TMEM117: variants seen among roughly 807,000 people sequenced by gnomAD.
TMEM117 encodes the protein transmembrane protein 117.
A neutral mutation model predicts 52.4 loss-of-function variants in TMEM117; 27 were observed. The observed-to-expected ratio is 0.51, with a 90% CI of 0.38 to 0.71. TMEM117 has a LOEUF of 0.71. TMEM117 is among the 30% of genes least tolerant of loss of function. TMEM117 has a pLI of 0.00. For missense variants in TMEM117, 556 were observed against 630.5 expected, an observed-to-expected ratio of 0.88 and a Z score of 1.26; for synonymous variants, 215 against 206.3, an observed-to-expected ratio of 1.04 and a Z score of -0.36.
chr12:44,167,640 T>A (rs1592574301), intron 4 of TMEM117, among the ~76,000 whole-genome samples: 1 of 151,932 alleles, frequency 6.6e-6, no homozygotes, highest in Non-Finnish European at 1.5e-5. Flanking sequence ...GCACTCCAGC[T>A]TGGGCGACAG....
At position 43,894,784 on chromosome 12, in the gene TMEM117, G is replaced by A. The variant is rs12582940; in HGVS notation, c.278-49426G>A. ...TGTGTATGTACATTTTCTTTATCCC[G>A]TCTGTCATTGATGGACATTCTGGTT... On this transcript the variant is annotated intron_variant, in intron 2 of 7. Transcript: ENST00000266534. Among the ~76,000 whole-genome samples the A allele has an allele frequency of 9.4e-3, 1,426 of 152,066 alleles. 69 individuals are homozygous for A. The East Asian group carries it at 0.17, about 18-fold the overall frequency.
At chr12:43,857,370 CTT>C (rs1215149683) in intron 2 of TMEM117, among the ~76,000 whole-genome samples, 4 of 149,786 alleles carry the variant, frequency 2.7e-5, no homozygotes, top group Non-Finnish European at 5.9e-5. Flanking sequence ...CCAAGGGACT[CTT>C]TTCTTACCAG....
Position 44,288,757 on chromosome 12 carries a change from G to C in TMEM117, c.609-10823G>C, listed in dbSNP as rs138323476. On this transcript the variant is annotated intron_variant, in intron 5 of 7. Coordinates refer to ENST00000266534, the MANE Select transcript of TMEM117 (RefSeq NM_032256.3). ...GGGTATAATTAACAAAATTGTATAT[G>C]TTTAAAGTGCACAACATGATTTAAT... Among the ~76,000 whole-genome samples, 30 of 152,188 alleles carry C rather than the reference G, an allele frequency of 2.0e-4. No homozygotes were observed. In the East Asian group the frequency reaches 5.8e-3, roughly 29 times the overall value.
intron 3 of TMEM117, among the ~76,000 whole-genome samples, chr12:44,024,888 A>G (rs1946509056): frequency 1.3e-5 from 2 of 151,968 alleles, no homozygotes; most frequent in African/African-American, 4.8e-5. Flanking sequence ...ACATATATGT[A>G]CATACATATA....
At chr12:44,360,775 C>T (rs144721245) in intron 6 of TMEM117, among the ~76,000 whole-genome samples, 147 of 152,250 alleles carry the variant, frequency 9.7e-4, no homozygotes, top group African/African-American at 3.3e-3. Flanking sequence ...TAACCATGGA[C>T]TTGAGAATCT....
chr12:43,879,828 C>T (rs373140033), intron 2 of TMEM117, among the ~76,000 whole-genome samples: 6 of 152,090 alleles, frequency 3.9e-5, no homozygotes, highest in African/African-American at 1.2e-4. Flanking sequence ...AGAGTGTACT[C>T]GTAGAAAGAG....
intron 5 of TMEM117, among the ~76,000 whole-genome samples, chr12:44,275,913 A>G (rs1462662834): frequency 2.6e-5 from 4 of 152,158 alleles, no homozygotes; most frequent in Non-Finnish European, 5.9e-5. Flanking sequence ...ATAGTCAACA[A>G]TAAGTGTATA....
chr12:44,161,641 A>G (rs1340566735), intron 4 of TMEM117, among the ~76,000 whole-genome samples: 1 of 152,208 alleles, frequency 6.6e-6, no homozygotes, highest in Admixed American at 6.5e-5. Context: ...CATATAGAGT[A>G]CATGAATTAA....
chr12:44,184,641 G>T (rs1425436222), intron 4 of TMEM117, among the ~76,000 whole-genome samples: 1 of 152,144 alleles, frequency 6.6e-6, no homozygotes, highest in Non-Finnish European at 1.5e-5. Context: ...TCCTACAGCT[G>T]CATGGGACTG....
At chr12:44,376,508 A>C (rs571430295) in intron 6 of TMEM117, 87 bp from the exon 7 acceptor site, 24 of 1,475,162 alleles carry the variant, frequency 1.6e-5, no homozygotes, top group East Asian at 2.3e-5. Context: ...ATTTTAAAAT[A>C]AGTGCTTATA....
At chr12:44,125,866 G>T (rs974137900) in intron 3 of TMEM117, among the ~76,000 whole-genome samples, 3 of 151,878 alleles carry the variant, frequency 2.0e-5, no homozygotes, top group African/African-American at 7.3e-5. Flanking sequence ...CTATAAATTT[G>T]TCTCTTAACA....
At chr12:44,352,223 A>C (rs1387353415) in intron 6 of TMEM117, among the ~76,000 whole-genome samples, 1 of 152,022 alleles carries the variant, frequency 6.6e-6, no homozygotes, top group Non-Finnish European at 1.5e-5. Flanking sequence ...CCCCATAAAT[A>C]TATACACCTA....
intron 3 of TMEM117, among the ~76,000 whole-genome samples, chr12:43,984,769 A>T (rs1280060464): frequency 6.6e-6 from 1 of 152,150 alleles, no homozygotes; most frequent in African/African-American, 2.4e-5. Context: ...ATTATTTTGT[A>T]ATCTGTTTTT....
chr12:43,928,556 TA>T, intron 2 of TMEM117, among the ~76,000 whole-genome samples: 1 of 152,276 alleles, frequency 6.6e-6, no homozygotes, highest in East Asian at 1.9e-4. Context: ...TATTTGCATT[TA>T]AATATATCAC....
At chr12:44,178,964 C>A (rs914772591) in intron 4 of TMEM117, among the ~76,000 whole-genome samples, 8 of 152,046 alleles carry the variant, frequency 5.3e-5, no homozygotes, top group African/African-American at 1.4e-4. Flanking sequence ...AAGGCCAAGG[C>A]GGGCGGATCA....
chr12:44,228,623 A>T (rs915400337), intron 5 of TMEM117, among the ~76,000 whole-genome samples: 1 of 152,172 alleles, frequency 6.6e-6, no homozygotes, highest in Non-Finnish European at 1.5e-5. Flanking sequence ...ATTCCCATGG[A>T]TACCTAATCA....
intron 3 of TMEM117, among the ~76,000 whole-genome samples, chr12:43,953,901 G>A (rs1434566408): frequency 6.6e-6 from 1 of 152,032 alleles, no homozygotes; most frequent in African/African-American, 2.4e-5. Flanking sequence ...TCAAATAACT[G>A]GAAGTAAAAC....
intron 5 of TMEM117, among the ~76,000 whole-genome samples, chr12:44,285,535 C>T (rs1405559947): frequency 6.6e-6 from 1 of 152,160 alleles, no homozygotes; most frequent in Non-Finnish European, 1.5e-5. Flanking sequence ...GCAAACATTA[C>T]CTTTGTGCTC....
the TMEM117 span, among the ~76,000 whole-genome samples, chr12:43,812,878 A>T: frequency 6.8e-6 from 1 of 147,858 alleles, no homozygotes; most frequent in Admixed American, 6.8e-5. Flanking sequence ...AAAAAAAAGT[A>T]GCCTGTAGTC....
Sources: gnomAD v4.1 joint callset for allele counts (sites outside exome capture counted in the v4.1 genomes callset) on GRCh38, gnomAD v4.1.1 for gene constraint, MANE v1.5 for transcripts, NCBI Gene and HGNC (gene_info 2026-07-23, HGNC 2026-07-21) for gene names.